The following IL27RA variants were observed in gnomAD, a reference collection of about 807,000 sequenced individuals.
IL27RA encodes interleukin 27 receptor subunit alpha.
In IL27RA, 61 loss-of-function variants were observed where a neutral mutation model predicts 80.8. The observed-to-expected ratio is 0.76, with a 90% CI of 0.61 to 0.93. The LOEUF is 0.93. IL27RA is among the 40% of genes least tolerant of loss of function. IL27RA has a pLI of 0.00. For missense variants in IL27RA, 735 were observed against 808.1 expected (o/e 0.91, Z 1.10); for synonymous variants, 316 against 332.5 (o/e 0.95, Z 0.54).
chr19:14,037,037 T>C (rs533168332), intron 2 of IL27RA, among the ~76,000 whole-genome samples: 2 of 151,724 alleles, frequency 1.3e-5, no homozygotes, highest in South Asian at 4.2e-4. Flanking sequence ...GGTTTCGCCA[T>C]GTTTGTCAGG....
rs370124573 is a variant in IL27RA at position 14,047,113 on chromosome 19, A to G, written c.1141+495A>G. On this transcript the variant is annotated intron_variant, in intron 8 of 13. Coordinates refer to ENST00000263379, the MANE Select transcript of IL27RA (RefSeq NM_004843.4). ...GGCTAGAGTGCAATGGTGCCATCTC[A>G]GCTCACTGCAACTTCCATCTCCTGG... 1.2e-4 allele frequency among the ~76,000 whole-genome samples: 18 copies of G among 151,212 alleles called. No homozygotes were observed. In the East Asian group the frequency reaches 3.6e-3, roughly 30 times the overall value.
At chr19:14,035,544 C>T (rs1380619352) in intron 2 of IL27RA, among the ~76,000 whole-genome samples, 4 of 152,086 alleles carry the variant, frequency 2.6e-5, no homozygotes, top group East Asian at 1.9e-4. Flanking sequence ...TACAGGCACA[C>T]GCCACCACGC....
At chr19:14,034,630 A>T (rs992223477) in intron 2 of IL27RA, among the ~76,000 whole-genome samples, 6 of 147,170 alleles carry the variant, frequency 4.1e-5, no homozygotes, top group Admixed American at 3.4e-4. Context: ...ACTGTACTCC[A>T]GCCTGGGTGA....
At chr19:14,040,763 G>A (rs1026466236) in intron 4 of IL27RA, among the ~76,000 whole-genome samples, 4 of 151,780 alleles carry the variant, frequency 2.6e-5, no homozygotes, top group Admixed American at 1.3e-4. Context: ...GGTGGAGGTT[G>A]CAGTGAGCTG....
intron 2 of IL27RA, among the ~76,000 whole-genome samples, chr19:14,037,247 T>C (rs1225326818): frequency 1.3e-5 from 2 of 151,056 alleles, no homozygotes; most frequent in Non-Finnish European, 2.9e-5. Flanking sequence ...CATTTCCTTA[T>C]TTATATATTT....
At chr19:14,047,021 A>G (rs1415418532) in intron 8 of IL27RA, among the ~76,000 whole-genome samples, 1 of 151,550 alleles carries the variant, frequency 6.6e-6, no homozygotes, top group Non-Finnish European at 1.5e-5. Context: ...TAAATAAATA[A>G]ATAGCGTGAA....
Position 14,031,841 on chromosome 19 carries a change from C to G in IL27RA, c.-32C>G. On this transcript the variant is annotated 5_prime_UTR_variant, in exon 1 of 14. Transcript: ENST00000263379. ...GCGCGGCCGCGCGGACCCGGCAAGGCTGGGCCGGACTCGGGGCTCCCGAGG... is the reference window on the plus strand; with the variant it reads ...GCGCGGCCGCGCGGACCCGGCAAGGGTGGGCCGGACTCGGGGCTCCCGAGG... The G allele has an allele frequency of 6.4e-7, 1 of 1,552,798 alleles. No individual in the cohort carries two copies. The highest frequency in any genetic ancestry group is 8.7e-7 in the Non-Finnish European group (1 of 1,146,360).
chr19:14,045,847 A>G (rs1976056623), intron 6 of IL27RA, among the ~76,000 whole-genome samples: 1 of 151,298 alleles, frequency 6.6e-6, no homozygotes, highest in Non-Finnish European at 1.5e-5. Flanking sequence ...CAACATGGTG[A>G]AACCCCGTCT....
At chr19:14,049,114 CT>C in intron 9 of IL27RA, 32 bp downstream of exon 9, 1 of 1,612,538 alleles carries the variant, frequency 6.2e-7, no homozygotes, top group Non-Finnish European at 8.5e-7. Flanking sequence ...GGGGGGGCTT[CT>C]GTAACCCAGG....
intron 6 of IL27RA, among the ~76,000 whole-genome samples, chr19:14,045,588 G>A (rs1173638273): frequency 4.1e-5 from 6 of 146,294 alleles, no homozygotes; most frequent in Non-Finnish European, 7.4e-5. Context: ...GCGACAGAGC[G>A]AGACTCTGTC....
In IL27RA at chr19:14,052,263, GC is replaced by G. The variant is rs748604064; in HGVS notation, c.1890del (p.Arg631GlyfsTer37). On this transcript the variant is annotated frameshift_variant, in exon 14 of 14. Coordinates refer to ENST00000263379, the MANE Select transcript of IL27RA (RefSeq NM_004843.4). LOFTEE classifies it high-confidence loss of function. Reference sequence around the variant, plus strand: ...CACCTGAGGAGCTGGGCCTTCTGGGGCCCCCCAGGCCACAGGTTCTGGCCTG... The same window carrying G: ...CACCTGAGGAGCTGGGCCTTCTGGGGCCCCCAGGCCACAGGTTCTGGCCTG... ...PTPEELGLLG[P>X]PRPQVLA 1.3e-5 allele frequency: 20 copies of G among 1,536,650 alleles called. No individual in the cohort carries two copies. Among genetic ancestry groups the G allele is most frequent in the African/African-American group, 1.4e-5 (1 of 72,832 alleles).
At chr19:14,043,943 G>C (rs1320706865) in intron 6 of IL27RA, among the ~76,000 whole-genome samples, 2 of 150,326 alleles carry the variant, frequency 1.3e-5, no homozygotes, top group Non-Finnish European at 3.0e-5. Flanking sequence ...AGCTACTTAG[G>C]AGGCTGAGAC....
rs35026308 is a variant in IL27RA at position 14,042,481 on chromosome 19, T to C, written c.563T>C (p.Leu188Pro). ...GAACCGGAGCTGAAGACCATACCCC[T>C]GACCCCTGTTGAGATCCAAGATTTG... ...LLEPELKTIP[L>P]TPVEIQDLEL... The change falls in exon 5 of 14, where the codon CTG becomes CCG. Residue 188 changes from leucine (L) to proline (P), a missense_variant. Physicochemically the swap from Leu to Pro is moderately conservative, Grantham distance 98. Coordinates refer to ENST00000263379, the MANE Select transcript of IL27RA (RefSeq NM_004843.4). 276,812 of 1,613,814 alleles carry C rather than the reference T, an allele frequency of 0.17. 24,882 individuals are homozygous for C. The highest frequency in any genetic ancestry group is 0.26 in the East Asian group (11,622 of 44,872).
intron 2 of IL27RA, among the ~76,000 whole-genome samples, chr19:14,036,309 G>A (rs1014372530): frequency 6.6e-6 from 1 of 151,750 alleles, no homozygotes; most frequent in Non-Finnish European, 1.5e-5. Context: ...TGTACTCTTT[G>A]GCCATCATCT....
intron 10 of IL27RA, 87 bp downstream of exon 10, chr19:14,049,401 CTCTTT>C: frequency 6.4e-6 from 9 of 1,415,072 alleles, no homozygotes; most frequent in Non-Finnish European, 8.6e-6. Context: ...CCACGTGGGC[CTCTTT>C]GGCCCAGGGA....
At chr19:14,047,656 C>CTTTTTTTTTTTTTTTTT (rs1976088843) in intron 8 of IL27RA, among the ~76,000 whole-genome samples, 1 of 133,458 alleles carries the variant, frequency 7.5e-6, no homozygotes, top group African/African-American at 3.1e-5. Context: ...CATGCCTGGC[C>CTTTTTTTTTTTTTTTTT]CTTTTTTTTT....
Position 14,046,217 on chromosome 19 carries a change from A to C in IL27RA, c.832A>C (p.Ser278Arg), listed in dbSNP as rs1976062499. 2 of 1,614,176 alleles carry C rather than the reference A, an allele frequency of 1.2e-6. No homozygotes were observed. Among genetic ancestry groups the C allele is most frequent in the Non-Finnish European group, 1.7e-6 (2 of 1,180,038 alleles). The part of the protein sequence containing the change: ...VWFWVGGREL[S>R]PEGITCCCSL... ...GTTCTGGGTTGGAGGTCGTGAGCTG[A>C]GTCCAGAAGGAATTACCTGCTGCTG... The change falls in exon 7 of 14, where the codon AGT (serine) becomes CGT (arginine). Residue 278 changes from serine to arginine, a missense_variant. Coordinates refer to ENST00000263379, the MANE Select transcript of IL27RA (RefSeq NM_004843.4).
chr19:14,042,816 C>T, intron 6 of IL27RA, 27 bp downstream of exon 6: 1 of 1,595,592 alleles, frequency 6.3e-7, no homozygotes, highest in Middle Eastern at 1.7e-4. Flanking sequence ...AGTTACATTT[C>T]TCTGCACGTG....
At chr19:14,037,678 G>C (rs1312678643) in intron 2 of IL27RA, among the ~76,000 whole-genome samples, 1 of 152,006 alleles carries the variant, frequency 6.6e-6, no homozygotes, top group Non-Finnish European at 1.5e-5. Context: ...ATCTCCTTCA[G>C]GCCTTTATTC....
Sources: allele counts gnomAD v4.1 joint callset (sites outside exome capture counted in the v4.1 genomes callset), GRCh38; gene constraint gnomAD v4.1.1; transcripts MANE v1.5; gene names NCBI Gene and HGNC (gene_info 2026-07-23, HGNC 2026-07-21).